GNG4: variants seen among roughly 807,000 people sequenced by gnomAD.
The protein encoded by GNG4 is G protein subunit gamma 4.
In GNG4, 4 loss-of-function variants were observed where a neutral mutation model predicts 5.8. That is an observed-to-expected ratio of 0.69 (90% CI 0.34 to 1.57). The LOEUF (loss-of-function observed/expected upper bound fraction) is 1.57, where lower values mean the gene tolerates loss of function less well. GNG4 is among the 40% of genes most tolerant of loss of function. The probability of loss-of-function intolerance (pLI) is 0.06; values close to 1 mark genes in which losing one functional copy is unlikely to be tolerated. For missense variants in GNG4, 96 were observed against 95.1 expected, an observed-to-expected ratio of 1.01 and a Z score of -0.04; for synonymous variants, 29 against 32.9, an observed-to-expected ratio of 0.88 and a Z score of 0.41.
chr1:235,607,937 AT>A (rs140271145), intron 1 of GNG4, among the ~76,000 whole-genome samples: 27,002 of 132,504 alleles, frequency 0.2, 2,194 homozygotes, highest in Middle Eastern at 0.27. Flanking sequence ...TGCTGTTTCT[AT>A]TTTTTTTTTT....
chr1:235,581,003 C>T (rs1413175218), intron 3 of GNG4, among the ~76,000 whole-genome samples: 1 of 152,024 alleles, frequency 6.6e-6, no homozygotes, highest in South Asian at 2.1e-4. Context: ...TCACCTGCCT[C>T]GGCCTTCCAA....
intron 2 of GNG4, among the ~76,000 whole-genome samples, chr1:235,590,190 C>T (rs1304218671): frequency 6.6e-6 from 1 of 152,208 alleles, no homozygotes; most frequent in Non-Finnish European, 1.5e-5. Context: ...TGTGGTGGCT[C>T]ATGCCTGTAA....
chr1:235,550,639 T>G lies in GNG4; in HGVS notation c.*1470A>C, dbSNP rs953341551. 4 of 151,976 alleles carry G rather than the reference T, an allele frequency of 2.6e-5. No homozygotes were observed. Among genetic ancestry groups the G allele is most frequent in the African/African-American group, 9.7e-5 (4 of 41,354 alleles). The allele number at this position is 151,976 out of a possible 1,614,324, so 9.4% of individuals were successfully genotyped here. A position where few individuals can be genotyped will look rare whatever the true frequency, so the allele number is the denominator to read the frequency against. ...CGACATGGTGAAACCCCGTCTCTAC[T>G]AAAAATACAAAAATGAGCCAGGCAT... is the stretch of plus-strand genomic sequence containing the variant. On this transcript the variant is annotated 3_prime_UTR_variant, in exon 4 of 4. Transcript: ENST00000391854.
Position 235,629,919 on chromosome 1 carries a change from C to A in GNG4, c.-123+19743G>T, listed in dbSNP as rs533599923. Among the ~76,000 whole-genome samples, 4 of 152,334 alleles carry A rather than the reference C, an allele frequency of 2.6e-5. No individual in the cohort carries two copies. In the East Asian group the frequency reaches 7.7e-4, roughly 29 times the overall value. On this transcript the variant is annotated intron_variant, in intron 1 of 3. Coordinates refer to ENST00000391854, the MANE Select transcript of GNG4 (RefSeq NM_001098722.2). ...AAGCTTTCTTGAGCTGGGCAGCCAC[C>A]TTGGTCCCTGGACCTGAGCACTCCC... is the stretch of plus-strand genomic sequence containing the variant.
At chr1:235,575,862 T>C (rs1275459935) in intron 3 of GNG4, among the ~76,000 whole-genome samples, 2 of 152,144 alleles carry the variant, frequency 1.3e-5, no homozygotes, top group Non-Finnish European at 2.9e-5. Context: ...TGAGAGCCTG[T>C]GTCCTGACTC....
intron 1 of GNG4, chr1:235,615,836 C>A: frequency 3.5e-6 from 1 of 285,288 alleles, no homozygotes; most frequent in South Asian, 4.4e-5. Flanking sequence ...GGCAAGCAGT[C>A]CATGATGGAT....
intron 3 of GNG4, among the ~76,000 whole-genome samples, chr1:235,558,324 T>A (rs1383479728): frequency 6.6e-6 from 1 of 152,070 alleles, no homozygotes; most frequent in Non-Finnish European, 1.5e-5. Flanking sequence ...GTCAAGGGAG[T>A]TTTCCACCTT....
chr1:235,612,786 G>T (rs1688506498), intron 1 of GNG4, among the ~76,000 whole-genome samples: 2 of 152,216 alleles, frequency 1.3e-5, no homozygotes, highest in Non-Finnish European at 2.9e-5. Context: ...GCCTCCCAAA[G>T]TGCTGGGATC....
At position 235,625,435 on chromosome 1, in the gene GNG4, A is replaced by G. The variant is rs536963923; in HGVS notation, c.-123+24227T>C. The stretch of plus-strand genomic sequence containing the variant: ...TCAATGACCCAACACTGACACATCA[A>G]TATCACCTAAAGTCCATAGTTTACA... On this transcript the variant is annotated intron_variant, in intron 1 of 3. Coordinates refer to ENST00000391854, the MANE Select transcript of GNG4 (RefSeq NM_001098722.2). 9.2e-5 allele frequency among the ~76,000 whole-genome samples: 14 copies of G among 152,266 alleles called. 1 individual carries two copies. The South Asian group carries it at 2.7e-3, about 29-fold the overall frequency.
rs140625518 is a variant in GNG4, at chr1:235,600,476, G to A, written c.-122-4965C>T. 8.6e-5 allele frequency among the ~76,000 whole-genome samples: 13 copies of A among 150,968 alleles called. No homozygotes were observed. In the East Asian group the frequency reaches 2.5e-3, roughly 30 times the overall value. The stretch of plus-strand genomic sequence containing the variant: ...TGTGTAAGAGAGAGGGTCTTGCTCT[G>A]TCACCCAGGCCGGAGTGCAGTGGTG... On this transcript the variant is annotated intron_variant, in intron 1 of 3. Transcript: ENST00000391854.
rs113909355 is a variant in GNG4, at chr1:235,627,946, C to T, written c.-123+21716G>A. On this transcript the variant is annotated intron_variant, in intron 1 of 3. Coordinates refer to ENST00000391854, the MANE Select transcript of GNG4 (RefSeq NM_001098722.2). The stretch of plus-strand genomic sequence containing the variant: ...CTATAATCTCAGCACTTTGGGAGGC[C>T]GAGGTGGGAGGATCACCTGAGGTCA... Among the ~76,000 whole-genome samples the T allele has an allele frequency of 2.2e-3, 339 of 152,028 alleles. 3 individuals carry two copies. Among genetic ancestry groups the T allele is most frequent in the African/African-American group, 7.6e-3 (315 of 41,460 alleles).
Position 235,594,080 on chromosome 1 carries a change from C to T in GNG4, c.-11+1320G>A, listed in dbSNP as rs551531749. Among the ~76,000 whole-genome samples, 36 of 152,146 alleles carry T rather than the reference C, an allele frequency of 2.4e-4. No individual in the cohort carries two copies. In the South Asian group the frequency reaches 7.3e-3, roughly 31 times the overall value. On this transcript the variant is annotated intron_variant, in intron 2 of 3. Coordinates refer to ENST00000391854, the MANE Select transcript of GNG4 (RefSeq NM_001098722.2). ...CGTTTTGACAGGGTGCTGATTGGTG[C>T]GTTTACAATCCCTGAGCTAGACACA...
intron 3 of GNG4, among the ~76,000 whole-genome samples, chr1:235,555,301 G>A (rs542833689): frequency 1.3e-5 from 2 of 152,116 alleles, no homozygotes; most frequent in African/African-American, 4.8e-5. Context: ...ACAATTTCCT[G>A]GCACACTCAG....
At chr1:235,620,687 C>T (rs1688691450) in intron 1 of GNG4, among the ~76,000 whole-genome samples, 1 of 152,144 alleles carries the variant, frequency 6.6e-6, no homozygotes, top group South Asian at 2.1e-4. Flanking sequence ...AGGTGCCCGC[C>T]ACCACGCCCA....
Position 235,648,954 on chromosome 1 carries a change from C to G in GNG4, c.-123+708G>C, listed in dbSNP as rs1299821954. Among the ~76,000 whole-genome samples, 1 of 152,232 alleles carries G rather than the reference C, an allele frequency of 6.6e-6. No individual in the cohort carries two copies. Among genetic ancestry groups the G allele is most frequent in the Non-Finnish European group, 1.5e-5 (1 of 68,042 alleles). On this transcript the variant is annotated intron_variant, in intron 1 of 3. Transcript: ENST00000391854. This position sits in a 1 kb window ranked among gnomAD's most constrained non-coding sequence, Gnocchi z 5.0. The stretch of plus-strand genomic sequence containing the variant: ...TTTCCCCACCACGCTCTGTCCTCCT[C>G]CCCACTTCACCCTCCCGCCGTTTCG...
intron 1 of GNG4, among the ~76,000 whole-genome samples, chr1:235,628,349 G>T (rs1399424170): frequency 6.6e-6 from 1 of 151,978 alleles, no homozygotes; most frequent in Non-Finnish European, 1.5e-5. Flanking sequence ...AGCATTGCCT[G>T]CAGGACCGGA....
intron 3 of GNG4, among the ~76,000 whole-genome samples, chr1:235,558,195 T>G (rs1014301821): frequency 6.9e-6 from 1 of 145,440 alleles, no homozygotes; most frequent in African/African-American, 2.6e-5. Context: ...TCTGGGTTGG[T>G]TCCGTGAAAC....
chr1:235,638,194 C>T (rs10926319), intron 1 of GNG4, among the ~76,000 whole-genome samples: 79,917 of 151,900 alleles, frequency 0.53, 23,436 homozygotes, highest in East Asian at 0.85. Flanking sequence ...TTTCTAGCTC[C>T]GGAAATGTGG....
chr1:235,565,121 G>A (rs1224874059), intron 3 of GNG4, among the ~76,000 whole-genome samples: 1 of 152,188 alleles, frequency 6.6e-6, no homozygotes, highest in African/African-American at 2.4e-5. Context: ...GCAGAGTCCA[G>A]AGGAGGCAGG....
Sources: gnomAD v4.1 joint callset for allele counts (sites outside exome capture counted in the v4.1 genomes callset) on GRCh38, gnomAD v4.1.1 for gene constraint, Gnocchi (gnomAD v3.1) non-coding constraint, MANE v1.5 for transcripts, NCBI Gene and HGNC (gene_info 2026-07-23, HGNC 2026-07-21) for gene names.